Variants in ENPP3 observed in about 807,000 individuals in gnomAD.
ENPP3 encodes ectonucleotide pyrophosphatase/phosphodiesterase 3.
A neutral mutation model predicts 117.8 loss-of-function variants in ENPP3; 104 were observed. The observed-to-expected ratio is 0.88, with a 90% CI of 0.75 to 1.04. The LOEUF is 1.04. Ranked by LOEUF, ENPP3 falls within the 50% of genes least tolerant of loss-of-function variation. ENPP3 has a pLI of 0.00. For missense variants in ENPP3, 1,026 were observed against 1,051.9 expected (o/e 0.98, Z 0.34); for synonymous variants, 380 against 349.9 (o/e 1.09, Z -0.96).
Position 131,685,281 on chromosome 6 carries a change from A to T in ENPP3, c.1121-83A>T. On this transcript the variant is annotated intron_variant, in intron 12 of 24. Coordinates refer to ENST00000357639, the MANE Select transcript of ENPP3 (RefSeq NM_005021.5). Reference sequence around the variant, plus strand: ...CTTAGTTTGAGATCTGTAACATAAAATGTCTTCTATTTGACAAGACAGAAA... The same window carrying T: ...CTTAGTTTGAGATCTGTAACATAAATTGTCTTCTATTTGACAAGACAGAAA... The T allele has an allele frequency of 2.5e-6, 3 of 1,177,518 alleles. No homozygotes were observed. In the South Asian group the frequency reaches 4.2e-5, roughly 17 times the overall value. 72.9% of individuals were successfully genotyped at this position (1,177,518 alleles called of 1,614,324 possible). A position where few individuals can be genotyped will look rare whatever the true frequency, so the allele number is the denominator to read the frequency against.
rs1012317405 is a variant in ENPP3 at position 131,713,255 on chromosome 6, C to A, written c.1413-5417C>A. ...AACTGTGAGTTCACTAAACCTCTTT[C>A]TTTTATAAATTACCCAGTCTTGGGT... On this transcript the variant is annotated intron_variant, in intron 15 of 24. Transcript: ENST00000357639. Among the ~76,000 whole-genome samples the A allele has an allele frequency of 1.5e-4, 22 of 146,862 alleles. 1 individual carries two copies. The highest frequency in any genetic ancestry group is 5.5e-4 in the African/African-American group (21 of 38,416).
At chr6:131,710,819 T>C in intron 15 of ENPP3, 1 of 1,613,442 alleles carries the variant, frequency 6.2e-7, no homozygotes, top group Non-Finnish European at 8.5e-7. Context: ...AGCCGACTCC[T>C]AACCGATCTA....
intron 15 of ENPP3, among the ~76,000 whole-genome samples, chr6:131,717,353 T>G (rs200731793): frequency 0.05 from 235 of 4,660 alleles, 2 homozygotes; most frequent in East Asian, 0.1. Flanking sequence ...CTGCGGGGGG[T>G]GTGTGTGTGT....
In ENPP3 at chr6:131,733,735, T is replaced by C; in HGVS notation, c.2089+12T>C. ...CCTCTATCCTCCTGGTTAGTAGAAC[T>C]CTTTTTTAGAGCAGTAGCTTAGAAA... On this transcript the variant is annotated intron_variant, in intron 21 of 24. Coordinates refer to ENST00000357639, the MANE Select transcript of ENPP3 (RefSeq NM_005021.5). 2.5e-6 allele frequency: 4 copies of C among 1,613,086 alleles called. No homozygotes were observed. Among genetic ancestry groups the C allele is most frequent in the Non-Finnish European group, 3.4e-6 (4 of 1,179,192 alleles).
At chr6:131,712,231 T>C (rs1779804479) in intron 15 of ENPP3, among the ~76,000 whole-genome samples, 1 of 143,594 alleles carries the variant, frequency 7.0e-6, no homozygotes, top group Admixed American at 7.0e-5. Context: ...CTGTTTTACT[T>C]GCTTTTTTGT....
At chr6:131,662,131 G>A (rs968946223) in intron 6 of ENPP3, among the ~76,000 whole-genome samples, 2 of 152,242 alleles carry the variant, frequency 1.3e-5, no homozygotes, top group South Asian at 4.1e-4. Context: ...TCCACTTTCT[G>A]ACATCATTTG....
At chr6:131,698,918 AT>A (rs1190847338) in intron 15 of ENPP3, among the ~76,000 whole-genome samples, 1 of 125,994 alleles carries the variant, frequency 7.9e-6, no homozygotes, top group African/African-American at 3.2e-5. Context: ...TACTATATAA[AT>A]AGTATAAGCA....
intron 24 of ENPP3, among the ~76,000 whole-genome samples, chr6:131,743,824 C>CAAAAT (rs3884395): frequency 0.092 from 13,636 of 148,212 alleles, 747 homozygotes; most frequent in Middle Eastern, 0.13. Context: ...GACTCTGTCT[C>CAAAAT]AAAATAAAAT....
chr6:131,706,003 A>G (rs1779630996), intron 15 of ENPP3, among the ~76,000 whole-genome samples: 1 of 135,194 alleles, frequency 7.4e-6, no homozygotes, highest in Non-Finnish European at 1.5e-5. Flanking sequence ...CATTTACTAC[A>G]CTCTACTAAA....
rs139296868 is a variant in ENPP3, at chr6:131,667,179, G to T, written c.563-4069G>T. Among the ~76,000 whole-genome samples the T allele has an allele frequency of 7.9e-3, 1,209 of 152,080 alleles. 12 individuals carry two copies. The highest frequency in any genetic ancestry group is 0.024 in the African/African-American group (1,010 of 41,484). On this transcript the variant is annotated intron_variant, in intron 6 of 24. Coordinates refer to ENST00000357639, the MANE Select transcript of ENPP3 (RefSeq NM_005021.5). ...GCTTTTTTTCTCTGTGCTGTGCCAG[G>T]GAGAGGGACTATGGTGACTAATATG...
At chr6:131,659,065 T>C (rs144687530) in intron 6 of ENPP3, among the ~76,000 whole-genome samples, 7 of 152,244 alleles carry the variant, frequency 4.6e-5, no homozygotes, top group African/African-American at 1.7e-4. Context: ...AAGTTATTGT[T>C]ATAATTCTTT....
At chr6:131,649,474 C>T (rs1778217334) in intron 2 of ENPP3, among the ~76,000 whole-genome samples, 1 of 152,142 alleles carries the variant, frequency 6.6e-6, no homozygotes, top group Admixed American at 6.6e-5. Context: ...TCCCAAGACT[C>T]AATGGTGTCC....
chr6:131,687,179 T>C (rs562942626), intron 14 of ENPP3, among the ~76,000 whole-genome samples: 5 of 152,312 alleles, frequency 3.3e-5, no homozygotes, highest in Admixed American at 3.3e-4. Context: ...ATAGCGTCTA[T>C]TGTTTTTTGA....
chr6:131,686,864 A>G lies in ENPP3; in HGVS notation c.1284+957A>G, dbSNP rs570171602. ...GATTTCATTCTTTTTTTATGGCTGC[A>G]TAGTATTCTATGATGTATATGTACC... On this transcript the variant is annotated intron_variant, in intron 14 of 24. Transcript: ENST00000357639. 2.6e-5 allele frequency among the ~76,000 whole-genome samples: 4 copies of G among 152,316 alleles called. No individual in the cohort carries two copies. The South Asian group carries it at 6.2e-4, about 24-fold the overall frequency.
intron 20 of ENPP3, among the ~76,000 whole-genome samples, chr6:131,728,026 G>C (rs775135259): frequency 6.6e-6 from 1 of 152,148 alleles, no homozygotes; most frequent in South Asian, 2.1e-4. Flanking sequence ...TCAATGGTTC[G>C]ATTGTGGTCA....
At chr6:131,683,340 G>A (rs1029453247) in intron 12 of ENPP3, among the ~76,000 whole-genome samples, 178 bp downstream of exon 12, 5 of 152,158 alleles carry the variant, frequency 3.3e-5, no homozygotes, top group Non-Finnish European at 7.4e-5. Context: ...AAATTTTCTA[G>A]TTTAATTATT....
chr6:131,725,950 T>A, intron 19 of ENPP3, 96 bp from the exon 20 acceptor site: 1 of 725,456 alleles, frequency 1.4e-6, no homozygotes, highest in Non-Finnish European at 2.3e-6. Flanking sequence ...TAATAAGCCA[T>A]AAGAGAGTGG....
chr6:131,670,400 C>T (rs1398353697), intron 6 of ENPP3, among the ~76,000 whole-genome samples: 1 of 152,206 alleles, frequency 6.6e-6, no homozygotes, highest in East Asian at 1.9e-4. Context: ...CAGGCTGTGG[C>T]CCATAGGCCA....
At chr6:131,733,209 T>C in intron 20 of ENPP3, among the ~76,000 whole-genome samples, 1 of 152,328 alleles carries the variant, frequency 6.6e-6, no homozygotes, top group East Asian at 1.9e-4. Context: ...TATATCAATA[T>C]TTTAAAAGTA....
Sources: allele counts gnomAD v4.1 joint callset (sites outside exome capture counted in the v4.1 genomes callset), GRCh38; gene constraint gnomAD v4.1.1; transcripts MANE v1.5; gene names NCBI Gene and HGNC (gene_info 2026-07-23, HGNC 2026-07-21).